Variants in CNTNAP5 observed in about 807,000 individuals in gnomAD.
CNTNAP5 encodes contactin associated protein family member 5, also known as contactin-associated protein-like 5.
In CNTNAP5, 72 loss-of-function variants were observed where a neutral mutation model predicts 150.2. The observed-to-expected ratio is 0.48, with a 90% CI of 0.40 to 0.58. CNTNAP5 has a LOEUF of 0.58. Among genes scored for constraint, CNTNAP5 ranks in the 20% least tolerant of loss-of-function variants. The probability of loss-of-function intolerance (pLI) is 0.00; values close to 1 mark genes in which losing one functional copy is unlikely to be tolerated. For missense variants in CNTNAP5, 1,636 were observed against 1,626.2 expected (o/e 1.01, Z -0.10); for synonymous variants, 672 against 619.8 (o/e 1.08, Z -1.25).
intron 1 of CNTNAP5, among the ~76,000 whole-genome samples, chr2:124,218,985 G>A (rs1027352901): frequency 6.6e-6 from 1 of 152,090 alleles, no homozygotes; most frequent in African/African-American, 2.4e-5. Flanking sequence ...TGCACAAAAT[G>A]AGACTTTATA....
chr2:124,115,347 C>T (rs894476787), intron 1 of CNTNAP5, among the ~76,000 whole-genome samples: 1 of 151,920 alleles, frequency 6.6e-6, no homozygotes, highest in African/African-American at 2.4e-5. Context: ...AATCACCAGG[C>T]TTAGGAATTT....
At chr2:124,825,063 A>G (rs1682564268) in intron 19 of CNTNAP5, among the ~76,000 whole-genome samples, 1 of 152,198 alleles carries the variant, frequency 6.6e-6, no homozygotes, top group Admixed American at 6.5e-5. Flanking sequence ...GAGAATGGTC[A>G]ATGAAGAGGA....
At chr2:124,587,393 C>T (rs964031979) in intron 11 of CNTNAP5, among the ~76,000 whole-genome samples, 3 of 151,882 alleles carry the variant, frequency 2.0e-5, no homozygotes, top group African/African-American at 7.3e-5. Flanking sequence ...AATTTTTTGC[C>T]CCAGAAGGAA....
At chr2:124,209,793 G>T (rs1685960996) in intron 1 of CNTNAP5, among the ~76,000 whole-genome samples, 1 of 152,114 alleles carries the variant, frequency 6.6e-6, no homozygotes, top group Admixed American at 6.6e-5. Context: ...TGGAGGTGGA[G>T]TATTATACAC....
At chr2:124,633,695 T>C (rs1452319996) in intron 12 of CNTNAP5, among the ~76,000 whole-genome samples, 1 of 152,220 alleles carries the variant, frequency 6.6e-6, no homozygotes, top group African/African-American at 2.4e-5. Flanking sequence ...ACTGCCCTAG[T>C]AGAGCTTCTT....
intron 7 of CNTNAP5, among the ~76,000 whole-genome samples, chr2:124,490,922 G>A (rs1468514421): frequency 6.6e-6 from 1 of 151,934 alleles, no homozygotes; most frequent in Non-Finnish European, 1.5e-5. Flanking sequence ...TATGTGGTAT[G>A]CATTATATTT....
chr2:124,825,062 C>A (rs2104673570), intron 19 of CNTNAP5, among the ~76,000 whole-genome samples: 2 of 152,124 alleles, frequency 1.3e-5, no homozygotes, highest in Middle Eastern at 6.8e-3. Context: ...AGAGAATGGT[C>A]AATGAAGAGG....
chr2:124,870,269 A>G (rs1038401801), intron 21 of CNTNAP5, among the ~76,000 whole-genome samples: 13 of 151,758 alleles, frequency 8.6e-5, no homozygotes, highest in South Asian at 6.2e-4. Flanking sequence ...TGAACATTTT[A>G]TCACACTTAA....
At chr2:124,670,141 C>T (rs141094870) in intron 13 of CNTNAP5, among the ~76,000 whole-genome samples, 1 of 123,598 alleles carries the variant, frequency 8.1e-6, no homozygotes, top group African/African-American at 3.3e-5. Context: ...TCTTTCCTTC[C>T]TTCCTTCCTT....
At chr2:124,466,028 A>G (rs1188312788) in intron 6 of CNTNAP5, among the ~76,000 whole-genome samples, 1 of 152,064 alleles carries the variant, frequency 6.6e-6, no homozygotes, top group Non-Finnish European at 1.5e-5. Flanking sequence ...TGCTCAGCGT[A>G]TTGATCTCTT....
rs577709085 is a variant in CNTNAP5 at position 124,504,219 on chromosome 2, G to A, written c.1063-73G>A. ...CCTGAAATTAAGGTCAGCTCCAGGT[G>A]GTTGTTTATATCAGCTGTCAGATTG... On this transcript the variant is annotated intron_variant, in intron 7 of 23. Transcript: ENST00000682447. 5 of 1,443,158 alleles carry A rather than the reference G, an allele frequency of 3.5e-6. No individual in the cohort carries two copies. In the South Asian group the frequency reaches 3.7e-5, roughly 11 times the overall value. 89.4% of individuals were successfully genotyped at this position (1,443,158 alleles called of 1,614,324 possible).
chr2:124,323,533 C>A (rs1291148571), intron 3 of CNTNAP5, among the ~76,000 whole-genome samples: 4 of 152,128 alleles, frequency 2.6e-5, no homozygotes, highest in Non-Finnish European at 4.4e-5. Context: ...GAGGACGACA[C>A]CTGTGGACCC....
intron 3 of CNTNAP5, among the ~76,000 whole-genome samples, chr2:124,323,327 C>A (rs1018694327): frequency 2.6e-5 from 4 of 152,152 alleles, no homozygotes; most frequent in African/African-American, 7.2e-5. Flanking sequence ...AATAGGGGAG[C>A]ACCAAAACAG....
At chr2:124,182,235 T>A (rs572342767) in intron 1 of CNTNAP5, among the ~76,000 whole-genome samples, 7 of 152,176 alleles carry the variant, frequency 4.6e-5, no homozygotes, top group African/African-American at 1.7e-4. Context: ...ATCCTTCATA[T>A]GAATATTGTT....
intron 12 of CNTNAP5, among the ~76,000 whole-genome samples, chr2:124,631,424 G>A (rs184904396): frequency 6.6e-5 from 10 of 152,064 alleles, no homozygotes; most frequent in East Asian, 5.8e-4. Context: ...GAAACCATAC[G>A]TCTACAACCA....
intron 1 of CNTNAP5, among the ~76,000 whole-genome samples, chr2:124,114,930 A>G (rs1176052909): frequency 6.6e-6 from 1 of 151,752 alleles, no homozygotes; most frequent in Non-Finnish European, 1.5e-5. Context: ...TACACTGGTT[A>G]ATTTTTAAAT....
At chr2:124,710,190 C>T (rs1031529747) in intron 13 of CNTNAP5, among the ~76,000 whole-genome samples, 7 of 152,052 alleles carry the variant, frequency 4.6e-5, no homozygotes, top group Non-Finnish European at 7.4e-5. Flanking sequence ...ATGTGGGACC[C>T]AGTGTTGCCA....
At chr2:124,372,760 G>T (rs148971951) in intron 3 of CNTNAP5, among the ~76,000 whole-genome samples, 16 of 152,136 alleles carry the variant, frequency 1.1e-4, no homozygotes, top group African/African-American at 3.9e-4. Flanking sequence ...TTGACTCAGG[G>T]TTCCTGTTAT....
In CNTNAP5 at chr2:124,563,211, C is replaced by T. The variant is rs1438452488; in HGVS notation, c.1650-6C>T. ...TTTTCTTTTCATTTATGTTTTCTTC[C>T]ATTAGGTGTTTGCCAAACTACTGTG... On this transcript the variant is annotated splice_polypyrimidine_tract_variant and splice_region_variant and intron_variant, in intron 10 of 23. Coordinates refer to ENST00000682447, the MANE Select transcript of CNTNAP5 (RefSeq NM_001367498.1). 9 of 1,554,492 alleles carry T rather than the reference C, an allele frequency of 5.8e-6. No individual in the cohort carries two copies. The highest frequency in any genetic ancestry group is 7.0e-6 in the Non-Finnish European group (8 of 1,138,596).
Sources: gnomAD v4.1 joint callset for allele counts (sites outside exome capture counted in the v4.1 genomes callset) on GRCh38, gnomAD v4.1.1 for gene constraint, MANE v1.5 for transcripts, NCBI Gene and HGNC (gene_info 2026-07-23, HGNC 2026-07-21) for gene names.